DGKB: variants seen among roughly 807,000 people sequenced by gnomAD.
The protein encoded by DGKB is 90 kDa diacylglycerol kinase.
Under a neutral mutation model 114.3 loss-of-function variants are expected in DGKB, and 67 were observed. That is an observed-to-expected ratio of 0.59 (90% CI 0.48 to 0.72). DGKB has a LOEUF of 0.72. DGKB is among the 30% of genes least tolerant of loss of function. The probability of loss-of-function intolerance (pLI) is 0.00; values close to 1 mark genes in which losing one functional copy is unlikely to be tolerated. For synonymous variants in DGKB, 398 were observed against 323.1 expected (o/e 1.23, Z -2.49); for missense variants, 907 against 975.2 (o/e 0.93, Z 0.93).
intron 1 of DGKB, among the ~76,000 whole-genome samples, chr7:14,940,421 A>G (rs976647745): frequency 6.6e-6 from 1 of 151,826 alleles, no homozygotes; most frequent in Non-Finnish European, 1.5e-5. Context: ...TTTTTGTACT[A>G]TAATTCTGCT....
chr7:14,584,734 C>T (rs1800476988), intron 17 of DGKB, among the ~76,000 whole-genome samples: 2 of 152,064 alleles, frequency 1.3e-5, no homozygotes, highest in South Asian at 4.2e-4. Flanking sequence ...TCTCGACTCA[C>T]TGCAACCTCC....
chr7:14,743,464 T>A (rs1832843626), intron 4 of DGKB, among the ~76,000 whole-genome samples: 1 of 152,138 alleles, frequency 6.6e-6, no homozygotes, highest in Non-Finnish European at 1.5e-5. Context: ...CCTCTAACAT[T>A]TAACAGGCTT....
chr7:14,809,627 A>G (rs557283609), intron 2 of DGKB, among the ~76,000 whole-genome samples: 45 of 151,910 alleles, frequency 3.0e-4, no homozygotes, highest in Non-Finnish European at 4.4e-4. Flanking sequence ...TTTTTTTGCC[A>G]AAGTATTTTT....
intron 19 of DGKB, among the ~76,000 whole-genome samples, chr7:14,578,168 C>T (rs1799438094): frequency 6.6e-6 from 1 of 152,118 alleles, no homozygotes; most frequent in Non-Finnish European, 1.5e-5. Flanking sequence ...TCACCTGCTG[C>T]CATGTAAAAA....
At chr7:14,740,933 T>C (rs750611797) in intron 4 of DGKB, among the ~76,000 whole-genome samples, 21 of 152,180 alleles carry the variant, frequency 1.4e-4, no homozygotes, top group Non-Finnish European at 1.5e-5. Context: ...TCATGTACCC[T>C]GGGCATTCGA....
At chr7:14,439,843 C>T (rs1174794090) in intron 21 of DGKB, among the ~76,000 whole-genome samples, 11 of 129,968 alleles carry the variant, frequency 8.5e-5, no homozygotes, top group African/African-American at 2.4e-4. Context: ...CCAGCCTGGA[C>T]GACAGAGTGA....
chr7:14,279,915 CAG>C (rs1799663168), intron 23 of DGKB, among the ~76,000 whole-genome samples: 1 of 151,994 alleles, frequency 6.6e-6, no homozygotes, highest in Non-Finnish European at 1.5e-5. Flanking sequence ...GGGAAAAAAA[CAG>C]AACAGAAAAA....
chr7:14,384,708 G>C (rs565373550), intron 21 of DGKB, among the ~76,000 whole-genome samples: 1 of 152,146 alleles, frequency 6.6e-6, no homozygotes, highest in Non-Finnish European at 1.5e-5. Context: ...CTTTACCTCC[G>C]TGGTTCTCAA....
intron 17 of DGKB, among the ~76,000 whole-genome samples, chr7:14,589,896 G>A (rs926329069): frequency 9.9e-5 from 15 of 151,116 alleles, no homozygotes; most frequent in Admixed American, 4.0e-4. Flanking sequence ...AAATTATACC[G>A]CCTCATAAAA....
At chr7:14,619,040 C>T (rs1436934136) in intron 15 of DGKB, among the ~76,000 whole-genome samples, 1 of 151,296 alleles carries the variant, frequency 6.6e-6, no homozygotes, top group African/African-American at 2.4e-5. Context: ...GAACTTTATT[C>T]TTTTATTTTT....
Position 14,856,714 on chromosome 7 carries a change from A to G in DGKB, c.-187-15264T>C, listed in dbSNP as rs533050865. 2.6e-5 allele frequency among the ~76,000 whole-genome samples: 4 copies of G among 152,206 alleles called. No individual in the cohort carries two copies. The South Asian group carries it at 8.3e-4, about 32-fold the overall frequency. ...TCTAGTATTCTATTAATGAAGATTT[A>G]GGCTTTATTTTTAATTTTTCATTAT... On this transcript the variant is annotated intron_variant, in intron 1 of 25. Transcript: ENST00000402815.
chr7:14,788,755 A>G (rs911499684), intron 2 of DGKB, among the ~76,000 whole-genome samples: 6 of 152,072 alleles, frequency 3.9e-5, no homozygotes, highest in African/African-American at 9.7e-5. Flanking sequence ...TTCCCTGTGT[A>G]CTGCCTGTCC....
intron 1 of DGKB, among the ~76,000 whole-genome samples, chr7:14,855,232 C>T (rs1849959141): frequency 6.6e-6 from 1 of 152,160 alleles, no homozygotes. Flanking sequence ...TTAGAATGAA[C>T]TAAATTTAGC....
At chr7:14,381,721 T>A (rs1819509237) in intron 21 of DGKB, among the ~76,000 whole-genome samples, 1 of 152,204 alleles carries the variant, frequency 6.6e-6, no homozygotes, top group Admixed American at 6.5e-5. Context: ...TGCATCTACC[T>A]GCCTCAGCTT....
intron 2 of DGKB, among the ~76,000 whole-genome samples, chr7:14,816,083 C>G (rs772224370): frequency 6.6e-6 from 1 of 152,120 alleles, no homozygotes; most frequent in Admixed American, 6.6e-5. Flanking sequence ...GTAATCCCAG[C>G]ACTTTGGGAG....
intron 17 of DGKB, among the ~76,000 whole-genome samples, chr7:14,603,436 T>A (rs1054335814): frequency 4.6e-5 from 7 of 152,122 alleles, no homozygotes; most frequent in East Asian, 3.8e-4. Flanking sequence ...GAGGCATATG[T>A]AAAAGGTCAT....
chr7:14,614,072 C>T lies in DGKB; in HGVS notation c.1285-659G>A, dbSNP rs62445606. Among the ~76,000 whole-genome samples, 1,405 of 152,268 alleles carry T rather than the reference C, an allele frequency of 9.2e-3. 6 individuals are homozygous for T. Among genetic ancestry groups the T allele is most frequent in the Non-Finnish European group, 0.015 (1,039 of 68,026 alleles). On this transcript the variant is annotated intron_variant, in intron 15 of 25. Coordinates refer to ENST00000402815, the MANE Select transcript of DGKB (RefSeq NM_001350709.2). ...GGTAACACGAATTGACTCGACTATA[C>T]GTCATGTGCTACTGCTTTCATCACA...
chr7:14,285,569 A>T (rs575483311), intron 23 of DGKB, among the ~76,000 whole-genome samples: 1 of 152,350 alleles, frequency 6.6e-6, no homozygotes, highest in African/African-American at 2.4e-5. Flanking sequence ...AGACTACTTC[A>T]TGGATGAAGT....
chr7:14,640,897 T>C lies in DGKB; in HGVS notation c.1135-10629A>G, dbSNP rs112722416. Reference sequence around the variant, plus strand: ...TAATGTCTAGTGGTGGTTAAGAATGTCTGGTTTTGACTGCATTCAAAATGT... The same window carrying C: ...TAATGTCTAGTGGTGGTTAAGAATGCCTGGTTTTGACTGCATTCAAAATGT... On this transcript the variant is annotated intron_variant, in intron 13 of 25. Transcript: ENST00000402815. Among the ~76,000 whole-genome samples, 1,392 of 152,274 alleles carry C rather than the reference T, an allele frequency of 9.1e-3. 14 individuals are homozygous for C. The highest frequency in any genetic ancestry group is 0.031 in the African/African-American group (1,300 of 41,564).
Sources: gnomAD v4.1 joint callset for allele counts (sites outside exome capture counted in the v4.1 genomes callset) on GRCh38, gnomAD v4.1.1 for gene constraint, MANE v1.5 for transcripts, NCBI Gene and HGNC (gene_info 2026-07-23, HGNC 2026-07-21) for gene names.